UGT2B17: variants seen among roughly 807,000 people sequenced by gnomAD.
UGT2B17 encodes the protein UDP-glucuronosyltransferase 2B17.
A neutral mutation model predicts 48.2 loss-of-function variants in UGT2B17; 21 were observed. The ratio of observed to expected loss-of-function variants is 0.44; its 90% CI spans 0.31 to 0.63. The LOEUF (loss-of-function observed/expected upper bound fraction) is 0.63, where lower values mean the gene tolerates loss of function less well. Ranked by LOEUF, UGT2B17 falls within the 20% of genes least tolerant of loss-of-function variation. The pLI, the probability that UGT2B17 is intolerant of heterozygous loss-of-function variation, is 0.08. For missense variants in UGT2B17, 402 were observed against 696.1 expected, an observed-to-expected ratio of 0.58 and a Z score of 4.75; for synonymous variants, 146 against 238.4, an observed-to-expected ratio of 0.61 and a Z score of 3.57.
chr4:68,564,294 A>AT (rs1182011820), intron 3 of UGT2B17, among the ~76,000 whole-genome samples: 6,397 of 75,644 alleles, frequency 0.085, 1,438 homozygotes, highest in Non-Finnish European at 0.12. Flanking sequence ...ATATATATAT[A>AT]TTTTTTTTTT....
intron 1 of UGT2B17, among the ~76,000 whole-genome samples, chr4:68,569,727 A>C (rs1325716052): frequency 7.9e-6 from 1 of 125,982 alleles, no homozygotes; most frequent in Non-Finnish European, 1.7e-5. Context: ...GAAGATCAAG[A>C]GGCCATCCAG....
intron 6 of UGT2B17, among the ~76,000 whole-genome samples, chr4:68,540,590 G>C (rs1472661582): frequency 7.9e-6 from 1 of 126,998 alleles, no homozygotes; most frequent in Non-Finnish European, 1.7e-5. Context: ...CACCCAAAGT[G>C]CTGGGATTAC....
In UGT2B17 at chr4:68,559,779, CTGATTCT is replaced by C. The variant is rs564520373; in HGVS notation, c.1005+751_1005+757del. Among the ~76,000 whole-genome samples the C allele has an allele frequency of 1.2e-3, 156 of 126,428 alleles. 25 individuals are homozygous for C. The highest frequency in any genetic ancestry group is 2.2e-3 in the Non-Finnish European group (130 of 59,616). 82.9% of individuals were successfully genotyped at this position (126,428 alleles called of 152,430 possible). A position where few individuals can be genotyped will look rare whatever the true frequency, so the allele number is the denominator to read the frequency against. ...TCCTCAATGTGGAGAAGGCACTAATCTGATTCTTAGAGCATAGTCTTTGTTGGGCCAC... is the reference window on the plus strand; with the variant it reads ...TCCTCAATGTGGAGAAGGCACTAATCTAGAGCATAGTCTTTGTTGGGCCAC... On this transcript the variant is annotated intron_variant, in intron 4 of 6. Coordinates refer to ENST00000317746, the MANE Select transcript of UGT2B17 (RefSeq NM_001077.4).
rs1463169337 is a variant in UGT2B17, at chr4:68,547,918, A to C, written c.1313+2759T>G. ...TTAGAATGGCAATCATTAAAAAGTC[A>C]GGAAACCACAGGTGCTGGAGAGGAT... On this transcript the variant is annotated intron_variant, in intron 6 of 6. Transcript: ENST00000317746. Among the ~76,000 whole-genome samples, 2 of 126,586 alleles carry C rather than the reference A, an allele frequency of 1.6e-5. 1 individual carries two copies. The highest frequency in any genetic ancestry group is 5.4e-5 in the African/African-American group (2 of 36,936). The allele number at this position is 126,586 out of a possible 152,430, so 83.0% of individuals were successfully genotyped here. A position where few individuals can be genotyped will look rare whatever the true frequency, so the allele number is the denominator to read the frequency against.
At chr4:68,558,738 T>C (rs1349977612) in intron 4 of UGT2B17, among the ~76,000 whole-genome samples, 1 of 125,676 alleles carries the variant, frequency 8.0e-6, no homozygotes, top group Non-Finnish European at 1.7e-5. Context: ...CTAAAATGCT[T>C]TCTCCAAAAG....
Position 68,538,244 on chromosome 4 carries a change from T to TTA in UGT2B17, c.1314-341_1314-340insTA, listed in dbSNP as rs200944258. ...ATGATCATTTTGATATTTTTAGTTTTTTTTTTTTTTGAGACAGGCTTTTGC... is the reference window on the plus strand; with the variant it reads ...ATGATCATTTTGATATTTTTAGTTTTTATTTTTTTTTTGAGACAGGCTTTTGC... On this transcript the variant is annotated intron_variant, in intron 6 of 6. Transcript: ENST00000317746. Among the ~76,000 whole-genome samples the TTA allele has an allele frequency of 5.5e-4, 10 of 18,230 alleles. 1 individual carries two copies. The highest frequency in any genetic ancestry group is 5.1e-3 in the Non-Finnish European group (7 of 1,382). 12.0% of individuals were successfully genotyped at this position (18,230 alleles called of 152,430 possible). A position where few individuals can be genotyped will look rare whatever the true frequency, so the allele number is the denominator to read the frequency against.
rs1217071119 is a variant in UGT2B17 at position 68,556,468 on chromosome 4, A to C, written c.1005+4069T>G. Among the ~76,000 whole-genome samples the C allele has an allele frequency of 3.2e-5, 4 of 124,954 alleles. 1 individual carries two copies. Among genetic ancestry groups the C allele is most frequent in the African/African-American group, 1.1e-4 (4 of 36,756 alleles). The allele number at this position is 124,954 out of a possible 152,430, so 82.0% of individuals were successfully genotyped here. A position where few individuals can be genotyped will look rare whatever the true frequency, so the allele number is the denominator to read the frequency against. ...CTATTCAACTCCTCAAGGTCCAGGG[A>C]CTATCACAGAAGAGGTGGGTGTGTG... On this transcript the variant is annotated intron_variant, in intron 4 of 6. Coordinates refer to ENST00000317746, the MANE Select transcript of UGT2B17 (RefSeq NM_001077.4).
At chr4:68,562,575 T>C (rs1731124276) in intron 3 of UGT2B17, among the ~76,000 whole-genome samples, 1 of 126,114 alleles carries the variant, frequency 7.9e-6, no homozygotes, top group Admixed American at 8.2e-5. Context: ...ATCCACCAAG[T>C]ATTGAAGTAA....
At chr4:68,537,969 A>G (rs1478772365) in intron 6 of UGT2B17, 65 bp from the exon 7 acceptor site, 3 of 1,133,764 alleles carry the variant, frequency 2.6e-6, no homozygotes, top group Non-Finnish European at 3.4e-6. Flanking sequence ...TATCAAGTCT[A>G]TGGATGGTCT....
At chr4:68,548,108 A>G (rs913483213) in intron 6 of UGT2B17, among the ~76,000 whole-genome samples, 1 of 127,178 alleles carries the variant, frequency 7.9e-6, no homozygotes. Context: ...TCATGCTTCT[A>G]TAAAGACATG....
rs1172339394 is a variant in UGT2B17, at chr4:68,570,015, C to T, written c.-64-1467G>A. Among the ~76,000 whole-genome samples, 2 of 126,256 alleles carry T rather than the reference C, an allele frequency of 1.6e-5. 1 individual carries two copies. The highest frequency in any genetic ancestry group is 5.4e-5 in the African/African-American group (2 of 36,806). 82.8% of individuals were successfully genotyped at this position (126,256 alleles called of 152,430 possible). ...GGACCTACCCCTCCACCCCAGAGAG[C>T]AAGCCACAGCAACCAGACAAAGGAA... On this transcript the variant is annotated intron_variant, in intron 1 of 6. Coordinates refer to ENST00000317746, the MANE Select transcript of UGT2B17 (RefSeq NM_001077.4).
intron 4 of UGT2B17, among the ~76,000 whole-genome samples, chr4:68,556,266 G>GTT (rs547046740): frequency 1.8e-5 from 2 of 113,678 alleles, no homozygotes; most frequent in African/African-American, 5.9e-5. Context: ...AATATTATGA[G>GTT]TTTTTTTTTT....
intron 4 of UGT2B17, among the ~76,000 whole-genome samples, chr4:68,554,538 T>C (rs1730968870): frequency 8.0e-6 from 1 of 124,852 alleles, no homozygotes; most frequent in South Asian, 3.7e-4. Context: ...AAGCTGGTGA[T>C]TTTTTTTTAT....
In UGT2B17 at chr4:68,574,275, T is replaced by A. The variant is rs1174438936; in HGVS notation, c.-65+1676A>T. The stretch of plus-strand genomic sequence containing the variant: ...AAGCTAAACATCATTTTATATTTAA[T>A]GTTTCTTGTATGATTTTTATACCAG... On this transcript the variant is annotated intron_variant, in intron 1 of 6. Coordinates refer to ENST00000317746, the MANE Select transcript of UGT2B17 (RefSeq NM_001077.4). 1.6e-5 allele frequency among the ~76,000 whole-genome samples: 2 copies of A among 127,272 alleles called. 1 individual carries two copies. Among genetic ancestry groups the A allele is most frequent in the Non-Finnish European group, 3.3e-5 (2 of 59,960 alleles). The allele number at this position is 127,272 out of a possible 152,430, so 83.5% of individuals were successfully genotyped here. A position where few individuals can be genotyped will look rare whatever the true frequency, so the allele number is the denominator to read the frequency against.
rs1343266657 is a variant in UGT2B17 at position 68,572,414 on chromosome 4, A to G, written c.-65+3537T>C. 1.6e-5 allele frequency among the ~76,000 whole-genome samples: 2 copies of G among 126,380 alleles called. 1 individual carries two copies. Among genetic ancestry groups the G allele is most frequent in the Non-Finnish European group, 3.4e-5 (2 of 59,652 alleles). The allele number at this position is 126,380 out of a possible 152,430, so 82.9% of individuals were successfully genotyped here. ...TCAGGTTGGTTATTTCCTGGGCTAC[A>G]TACCTTGGATAGAATAGCATTATAC... On this transcript the variant is annotated intron_variant, in intron 1 of 6. Transcript: ENST00000317746.
At position 68,560,963 on chromosome 4, in the gene UGT2B17, A is replaced by C. The variant is rs182245428; in HGVS notation, c.874-295T>G. Among the ~76,000 whole-genome samples, 1,024 of 124,906 alleles carry C rather than the reference A, an allele frequency of 8.2e-3. 252 individuals carry two copies. Among genetic ancestry groups the C allele is most frequent in the Non-Finnish European group, 0.013 (751 of 59,194 alleles). 81.9% of individuals were successfully genotyped at this position (124,906 alleles called of 152,430 possible). On this transcript the variant is annotated intron_variant, in intron 3 of 6. Transcript: ENST00000317746. Reference sequence around the variant, plus strand: ...AGGAGATAATGCTAGAAAATATTACACCCAGACACTTTATTTATAATATTA... The same window carrying C: ...AGGAGATAATGCTAGAAAATATTACCCCCAGACACTTTATTTATAATATTA...
At position 68,540,563 on chromosome 4, in the gene UGT2B17, G is replaced by A. The variant is rs1210768560; in HGVS notation, c.1314-2659C>T. ...TATGGTCTCGATCTCTTGACCTCGTGATCTGCCCTCCTCAGCCACCCAAAG... is the reference window on the plus strand; with the variant it reads ...TATGGTCTCGATCTCTTGACCTCGTAATCTGCCCTCCTCAGCCACCCAAAG... On this transcript the variant is annotated intron_variant, in intron 6 of 6. Coordinates refer to ENST00000317746, the MANE Select transcript of UGT2B17 (RefSeq NM_001077.4). Among the ~76,000 whole-genome samples, 12 of 126,780 alleles carry A rather than the reference G, an allele frequency of 9.5e-5. 3 individuals are homozygous for A. Among genetic ancestry groups the A allele is most frequent in the Non-Finnish European group, 2.0e-4 (12 of 59,638 alleles). The allele number at this position is 126,780 out of a possible 152,430, so 83.2% of individuals were successfully genotyped here. A position where few individuals can be genotyped will look rare whatever the true frequency, so the allele number is the denominator to read the frequency against.
chr4:68,565,870 C>T lies in UGT2B17; in HGVS notation c.725-150G>A, dbSNP rs1473263205. On this transcript the variant is annotated intron_variant, in intron 2 of 6. Coordinates refer to ENST00000317746, the MANE Select transcript of UGT2B17 (RefSeq NM_001077.4). ...TGCACATTGATAATATATATAAATA[C>T]ATTTATATAATATAATACATTATAT... The T allele has an allele frequency of 4.9e-5, 20 of 412,210 alleles. 1 individual carries two copies. Among genetic ancestry groups the T allele is most frequent in the Admixed American group, 1.4e-4 (2 of 14,806 alleles). 25.5% of individuals were successfully genotyped at this position (412,210 alleles called of 1,614,324 possible). A position where few individuals can be genotyped will look rare whatever the true frequency, so the allele number is the denominator to read the frequency against.
In UGT2B17 at chr4:68,555,923, G is replaced by GTT. The variant is rs34104261; in HGVS notation, c.1006-4014_1006-4013dup. Among the ~76,000 whole-genome samples, 10 of 82,620 alleles carry GTT rather than the reference G, an allele frequency of 1.2e-4. 1 individual carries two copies. Among genetic ancestry groups the GTT allele is most frequent in the African/African-American group, 3.0e-4 (8 of 26,492 alleles). 54.2% of individuals were successfully genotyped at this position (82,620 alleles called of 152,430 possible). A position where few individuals can be genotyped will look rare whatever the true frequency, so the allele number is the denominator to read the frequency against. On this transcript the variant is annotated intron_variant, in intron 4 of 6. Transcript: ENST00000317746. ...GTAAAGAAAGTTATAAAAATAAAAA[G>GTT]TTTTTTTTTTTTTTTTTTGTAAAAA...
Sources: allele counts gnomAD v4.1 joint callset (sites outside exome capture counted in the v4.1 genomes callset), GRCh38; gene constraint gnomAD v4.1.1; transcripts MANE v1.5; gene names NCBI Gene and HGNC (gene_info 2026-07-23, HGNC 2026-07-21).